Variants in TCF7L2 observed in about 807,000 individuals in gnomAD.
TCF7L2 encodes transcription factor 7-like 2.
In TCF7L2, 23 loss-of-function variants were observed where a neutral mutation model predicts 77.9. That is an observed-to-expected ratio of 0.30 (90% CI 0.21 to 0.42). The LOEUF is 0.42. Ranked by LOEUF, TCF7L2 falls within the 10% of genes least tolerant of loss-of-function variation. The pLI, the probability that TCF7L2 is intolerant of heterozygous loss-of-function variation, is 1.00. For synonymous variants in TCF7L2, 413 were observed against 340.2 expected (o/e 1.21, Z -2.36); for missense variants, 654 against 793.1 (o/e 0.82, Z 2.11).
intron 4 of TCF7L2, among the ~76,000 whole-genome samples, chr10:112,970,680 G>T (rs546672539): frequency 2.0e-4 from 30 of 152,214 alleles, no homozygotes; most frequent in African/African-American, 7.2e-4. Flanking sequence ...TTTGCAGGGC[G>T]CTTGACTTTC....
At chr10:113,059,906 G>T (rs566919387) in intron 5 of TCF7L2, among the ~76,000 whole-genome samples, 1 of 152,202 alleles carries the variant, frequency 6.6e-6, no homozygotes, top group South Asian at 2.1e-4. Flanking sequence ...TACCATTTTT[G>T]GGGTGTGTGT....
intron 5 of TCF7L2, among the ~76,000 whole-genome samples, chr10:113,119,319 G>A (rs139543818): frequency 1.3e-5 from 2 of 152,228 alleles, no homozygotes; most frequent in African/African-American, 4.8e-5. Flanking sequence ...TATCCAGGGG[G>A]CTATTGCTGC....
At chr10:113,037,682 C>G (rs1244239987) in intron 4 of TCF7L2, among the ~76,000 whole-genome samples, 1 of 152,150 alleles carries the variant, frequency 6.6e-6, no homozygotes, top group Admixed American at 6.5e-5. Context: ...GGTCTGTCAC[C>G]TTCAACAAAG....
chr10:113,031,876 A>G (rs2050278771), intron 4 of TCF7L2, among the ~76,000 whole-genome samples: 1 of 152,226 alleles, frequency 6.6e-6, no homozygotes. Flanking sequence ...TCTGGGCCTC[A>G]GAATATCTAG....
intron 7 of TCF7L2, among the ~76,000 whole-genome samples, chr10:113,145,120 T>A (rs1285578822): frequency 2.0e-5 from 3 of 152,008 alleles, no homozygotes; most frequent in African/African-American, 7.2e-5. Flanking sequence ...TGCTGTTTTT[T>A]TTTTTTTTAA....
At position 113,061,210 on chromosome 10, in the gene TCF7L2, A is replaced by T. The variant is rs566338424; in HGVS notation, c.552+21084A>T. 5.1e-4 allele frequency among the ~76,000 whole-genome samples: 78 copies of T among 151,774 alleles called. 1 individual carries two copies. The highest frequency in any genetic ancestry group is 1.8e-3 in the African/African-American group (74 of 41,392). On this transcript the variant is annotated intron_variant, in intron 5 of 13. Coordinates refer to ENST00000627217, the MANE Select transcript of TCF7L2 (RefSeq NM_001146274.2). ...TGACCCTTGGGGGACAGGGTTTCCC[A>T]AGGCTGGTTGCCAGCTGGCATGGTC...
At chr10:113,157,885 A>C in intron 11 of TCF7L2, 136 bp from the exon 12 acceptor site, 1 of 898,210 alleles carries the variant, frequency 1.1e-6, no homozygotes, top group African/African-American at 1.7e-5. Context: ...TGGAGGTTGG[A>C]CAAATACCGG....
intron 4 of TCF7L2, among the ~76,000 whole-genome samples, chr10:113,001,630 T>G (rs1317762202): frequency 2.0e-5 from 3 of 152,176 alleles, no homozygotes; most frequent in African/African-American, 7.2e-5. Context: ...AAAGAAAGTT[T>G]GGAGGTACTG....
chr10:112,964,672 C>T (rs535602216), intron 4 of TCF7L2, 48 bp downstream of exon 4: 21 of 1,527,290 alleles, frequency 1.4e-5, no homozygotes, highest in Middle Eastern at 1.7e-4. Context: ...ATATGTAGGT[C>T]TCTTGTGTGT....
At chr10:112,973,133 G>A (rs1340825057) in intron 4 of TCF7L2, among the ~76,000 whole-genome samples, 1 of 152,198 alleles carries the variant, frequency 6.6e-6, no homozygotes, top group African/African-American at 2.4e-5. Flanking sequence ...TTAGGTCAGT[G>A]TTTCACAAGC....
chr10:113,158,471 G>A (rs1421036292), intron 12 of TCF7L2, among the ~76,000 whole-genome samples, 196 bp from the exon 13 acceptor site: 1 of 152,166 alleles, frequency 6.6e-6, no homozygotes, highest in African/African-American at 2.4e-5. Context: ...TAACTGGGCT[G>A]TTCCTGAATG....
rs369365151 is a variant in TCF7L2, at chr10:112,964,634, G to T, written c.450+10G>T. The T allele has an allele frequency of 1.9e-6, 3 of 1,611,056 alleles. No individual in the cohort carries two copies. Among genetic ancestry groups the T allele is most frequent in the Non-Finnish European group, 1.7e-6 (2 of 1,177,802 alleles). On this transcript the variant is annotated intron_variant, in intron 4 of 13. Coordinates refer to ENST00000627217, the MANE Select transcript of TCF7L2 (RefSeq NM_001146274.2). ...CCAGATTGCAGTTCAGGTAGGAAACGCAAGAGATTCTGAAGCTTGAATTGT... is the reference window on the plus strand; with the variant it reads ...CCAGATTGCAGTTCAGGTAGGAAACTCAAGAGATTCTGAAGCTTGAATTGT...
intron 3 of TCF7L2, among the ~76,000 whole-genome samples, chr10:112,961,821 A>T (rs1460800147): frequency 1.3e-5 from 1 of 79,474 alleles, no homozygotes; most frequent in Non-Finnish European, 2.3e-5. Flanking sequence ...GAGGGAAGTT[A>T]CGTGGCTGGG....
At chr10:113,108,151 GT>G (rs1245677009) in intron 5 of TCF7L2, among the ~76,000 whole-genome samples, 2 of 152,106 alleles carry the variant, frequency 1.3e-5, no homozygotes, top group African/African-American at 4.8e-5. Context: ...TTATGCAAAT[GT>G]TTTTAGCTGG....
chr10:112,987,031 T>C (rs888675378), intron 4 of TCF7L2, among the ~76,000 whole-genome samples: 3 of 152,246 alleles, frequency 2.0e-5, no homozygotes, highest in Non-Finnish European at 4.4e-5. Context: ...AAGCATTCGC[T>C]GCTATGGTCG....
At chr10:112,995,838 GA>G (rs1159629562) in intron 4 of TCF7L2, among the ~76,000 whole-genome samples, 8 of 152,228 alleles carry the variant, frequency 5.3e-5, no homozygotes, top group Non-Finnish European at 1.2e-4. Flanking sequence ...CCCCATCCCT[GA>G]TGAGGGTAGG....
rs552111597 is a variant in TCF7L2, at chr10:113,010,220, G to A, written c.451-29805G>A. Reference sequence around the variant, plus strand: ...TTAGGGGGTCATGGGAGCAGGTGTGGAAAAGGTTATATGTCTTAGTAATTC... The same window carrying A: ...TTAGGGGGTCATGGGAGCAGGTGTGAAAAAGGTTATATGTCTTAGTAATTC... On this transcript the variant is annotated intron_variant, in intron 4 of 13. Coordinates refer to ENST00000627217, the MANE Select transcript of TCF7L2 (RefSeq NM_001146274.2). Among the ~76,000 whole-genome samples, 90 of 152,204 alleles carry A rather than the reference G, an allele frequency of 5.9e-4. 1 individual carries two copies. The South Asian group carries it at 0.019, about 32-fold the overall frequency.
At chr10:112,952,127 G>A (rs1193422472) in intron 3 of TCF7L2, among the ~76,000 whole-genome samples, 2 of 152,218 alleles carry the variant, frequency 1.3e-5, no homozygotes, top group African/African-American at 2.4e-5. Context: ...GATGCGCGGG[G>A]TAGAGAGTGG....
intron 4 of TCF7L2, among the ~76,000 whole-genome samples, chr10:112,967,586 C>T (rs967443561): frequency 2.0e-5 from 3 of 152,024 alleles, no homozygotes; most frequent in Non-Finnish European, 4.4e-5. Flanking sequence ...CAGATGGCCA[C>T]GTTCTCCCAA....
Sources: allele counts gnomAD v4.1 joint callset (sites outside exome capture counted in the v4.1 genomes callset), GRCh38; gene constraint gnomAD v4.1.1; transcripts MANE v1.5; gene names NCBI Gene and HGNC (gene_info 2026-07-23, HGNC 2026-07-21).